DCC: variants seen among roughly 807,000 people sequenced by gnomAD.
DCC encodes the protein DCC netrin 1 receptor, also known as netrin receptor DCC.
In DCC, 58 loss-of-function variants were observed where a neutral mutation model predicts 172.5. The observed-to-expected ratio is 0.34, with a 90% confidence interval of 0.27 to 0.42. The LOEUF (loss-of-function observed/expected upper bound fraction) is 0.42, where lower values mean the gene tolerates loss of function less well. Among genes scored for constraint, DCC ranks in the 10% least tolerant of loss-of-function variants. The probability of loss-of-function intolerance (pLI) is 1.00; values close to 1 mark genes in which losing one functional copy is unlikely to be tolerated. For synonymous variants in DCC, 709 were observed against 644.5 expected, an observed-to-expected ratio of 1.10 and a Z score of -1.52; for missense variants, 1,740 against 1,791.0, an observed-to-expected ratio of 0.97 and a Z score of 0.51.
intron 15 of DCC, among the ~76,000 whole-genome samples, chr18:53,340,840 G>T (rs2057651670): frequency 6.6e-6 from 1 of 152,086 alleles, no homozygotes; most frequent in African/African-American, 2.4e-5. Flanking sequence ...GGTGTAGGGG[G>T]TGGGGGGATC....
intron 5 of DCC, among the ~76,000 whole-genome samples, chr18:53,046,433 A>G (rs1167314954): frequency 6.6e-6 from 1 of 151,844 alleles, no homozygotes; most frequent in African/African-American, 2.4e-5. Flanking sequence ...AATAGCATTG[A>G]ACTACCCATA....
chr18:52,807,633 A>G (rs1598823042), intron 2 of DCC, among the ~76,000 whole-genome samples: 1 of 152,090 alleles, frequency 6.6e-6, no homozygotes, highest in Non-Finnish European at 1.5e-5. Context: ...TTCATTACAT[A>G]TCAGTCTGAA....
At chr18:53,522,165 C>T (rs1281414934) in intron 27 of DCC, among the ~76,000 whole-genome samples, 2 of 151,940 alleles carry the variant, frequency 1.3e-5, no homozygotes. Context: ...AAAATATCAA[C>T]ATGAATTTCA....
chr18:52,494,505 A>T (rs934438448), intron 1 of DCC, among the ~76,000 whole-genome samples: 2 of 152,008 alleles, frequency 1.3e-5, no homozygotes, highest in Non-Finnish European at 2.9e-5. Context: ...TCTTTTATGT[A>T]CTTTCCGATA....
intron 9 of DCC, among the ~76,000 whole-genome samples, chr18:53,180,377 G>A (rs916304974): frequency 6.6e-6 from 1 of 152,162 alleles, no homozygotes; most frequent in African/African-American, 2.4e-5. Flanking sequence ...TGAGGTTCCA[G>A]ACAATTATTT....
At chr18:53,467,629 G>A (rs1039569907) in intron 24 of DCC, among the ~76,000 whole-genome samples, 2 of 151,980 alleles carry the variant, frequency 1.3e-5, no homozygotes, top group East Asian at 1.9e-4. Flanking sequence ...ATTAATGTAC[G>A]CTCTCCCACT....
At chr18:52,453,148 A>G (rs780602144) in intron 1 of DCC, among the ~76,000 whole-genome samples, 14 of 152,336 alleles carry the variant, frequency 9.2e-5, no homozygotes, top group Non-Finnish European at 1.9e-4. Context: ...ATAAAAGAGC[A>G]GCTAAGCTCT....
intron 1 of DCC, among the ~76,000 whole-genome samples, chr18:52,486,981 T>G (rs1200506306): frequency 6.6e-6 from 1 of 152,160 alleles, no homozygotes; most frequent in Non-Finnish European, 1.5e-5. Context: ...GTTTCAAATT[T>G]TAGACTTAGA....
At chr18:53,071,469 A>G (rs1442424707) in intron 7 of DCC, among the ~76,000 whole-genome samples, 2 of 152,228 alleles carry the variant, frequency 1.3e-5, no homozygotes, top group African/African-American at 2.4e-5. Flanking sequence ...TACATAAGTA[A>G]CATAATGCCA....
intron 21 of DCC, among the ~76,000 whole-genome samples, chr18:53,422,718 TTTAG>T (rs1236759387): frequency 6.6e-6 from 1 of 152,156 alleles, no homozygotes; most frequent in African/African-American, 2.4e-5. Context: ...AAGCTTGGAA[TTTAG>T]TTAATGTAAT....
At chr18:52,364,743 C>A (rs1042123997) in intron 1 of DCC, among the ~76,000 whole-genome samples, 2 of 152,124 alleles carry the variant, frequency 1.3e-5, no homozygotes, top group Non-Finnish European at 2.9e-5. Flanking sequence ...CCTGGTTTTG[C>A]CCTTCTTAGT....
At chr18:53,522,046 C>T (rs902648683) in intron 27 of DCC, among the ~76,000 whole-genome samples, 1 of 152,078 alleles carries the variant, frequency 6.6e-6, no homozygotes, top group African/African-American at 2.4e-5. Context: ...CAACACAATT[C>T]AAAATATGTG....
intron 1 of DCC, among the ~76,000 whole-genome samples, chr18:52,418,690 C>T (rs143144772): frequency 1.3e-4 from 20 of 152,186 alleles, no homozygotes; most frequent in African/African-American, 4.6e-4. Context: ...CCCAGATTCT[C>T]CCCTGAGTTC....
rs887061522 is a variant in DCC, at chr18:53,526,954, T to C, written c.4254+195T>C. The C allele has an allele frequency of 1.6e-5, 10 of 611,096 alleles. No homozygotes were observed. In the African/African-American group the frequency reaches 1.7e-4, roughly 10 times the overall value. The allele number at this position is 611,096 out of a possible 1,614,324, so 37.9% of individuals were successfully genotyped here. ...ATAAAAGCTATGAAAAAAAATTATGTCAGAGACTTAGTTATGTAAAAAAGT... is the reference window on the plus strand; with the variant it reads ...ATAAAAGCTATGAAAAAAAATTATGCCAGAGACTTAGTTATGTAAAAAAGT... On this transcript the variant is annotated intron_variant, in intron 28 of 28. Transcript: ENST00000442544.
chr18:53,082,057 A>G (rs541012586), intron 7 of DCC, among the ~76,000 whole-genome samples: 80 of 152,234 alleles, frequency 5.3e-4, no homozygotes, highest in African/African-American at 1.9e-3. Flanking sequence ...TCCTTGTCAA[A>G]GGAGAATGCG....
Position 52,923,747 on chromosome 18 carries a change from A to G in DCC, c.738A>G (p.Pro246=). ...GACAGCTGTATTTTCTGCAAAGACC[A>G]TCCAATGTAGTAGCCATTGAAGGAA... ...LHRQLYFLQR[P]SNVVAIEGKD... Residue 246 remains proline (P), a synonymous_variant, in exon 4 of 29, where the codon CCA becomes CCG. Coordinates refer to ENST00000442544, the MANE Select transcript of DCC (RefSeq NM_005215.4). 6.2e-7 allele frequency: 1 copy of G among 1,611,112 alleles called. No homozygotes were observed.
Position 53,036,229 on chromosome 18 carries a change from C to T in DCC, c.986-27076C>T, listed in dbSNP as rs578060183. 2.9e-4 allele frequency among the ~76,000 whole-genome samples: 44 copies of T among 152,130 alleles called. 1 individual carries two copies. The highest frequency in any genetic ancestry group is 2.1e-3 in the South Asian group (10 of 4,826). ...AAGTAGATTAGGATGTGTACCTACA[C>T]AATTTATGGTATAGTCAGTTCTACT... On this transcript the variant is annotated intron_variant, in intron 5 of 28. Coordinates refer to ENST00000442544, the MANE Select transcript of DCC (RefSeq NM_005215.4).
intron 2 of DCC, among the ~76,000 whole-genome samples, chr18:52,779,343 C>T (rs975692373): frequency 2.0e-5 from 3 of 152,048 alleles, no homozygotes; most frequent in Admixed American, 2.0e-4. Flanking sequence ...TTTGACGTTC[C>T]CCTCCCTGTG....
intron 9 of DCC, among the ~76,000 whole-genome samples, chr18:53,189,097 C>T (rs113907541): frequency 0.014 from 2,086 of 151,996 alleles, 53 homozygotes; most frequent in African/African-American, 0.047. Context: ...ATTCTTAGTA[C>T]GATTCAATGT....
Sources: allele counts gnomAD v4.1 joint callset (sites outside exome capture counted in the v4.1 genomes callset), GRCh38; gene constraint gnomAD v4.1.1; transcripts MANE v1.5; gene names NCBI Gene and HGNC (gene_info 2026-07-23, HGNC 2026-07-21).